Variants in HS6ST3 observed in about 807,000 individuals in gnomAD.
HS6ST3 encodes heparan sulfate 6-O-sulfotransferase 3, also known as heparan-sulfate 6-O-sulfotransferase 3.
In HS6ST3, 12 loss-of-function variants were observed where a neutral mutation model predicts 36.7. The ratio of observed to expected loss-of-function variants is 0.33; its 90% confidence interval spans 0.21 to 0.53. The LOEUF is 0.53. Among genes scored for constraint, HS6ST3 ranks in the 20% least tolerant of loss-of-function variants. The pLI, the probability that HS6ST3 is intolerant of heterozygous loss-of-function variation, is 0.95. For synonymous variants in HS6ST3, 240 were observed against 257.5 expected, an observed-to-expected ratio of 0.93 and a Z score of 0.65; for missense variants, 584 against 640.9, an observed-to-expected ratio of 0.91 and a Z score of 0.96.
intron 1 of HS6ST3, among the ~76,000 whole-genome samples, chr13:96,633,953 G>A (rs1031661419): frequency 6.6e-6 from 1 of 152,084 alleles, no homozygotes; most frequent in Admixed American, 6.6e-5. Flanking sequence ...GGGCCTTTGG[G>A]AAGTGATTAG....
intron 1 of HS6ST3, among the ~76,000 whole-genome samples, chr13:96,182,009 A>G (rs1229624103): frequency 6.6e-6 from 1 of 152,182 alleles, no homozygotes; most frequent in Non-Finnish European, 1.5e-5. Context: ...CTGCTCCGTA[A>G]GTTAGAAGAA....
intron 1 of HS6ST3, among the ~76,000 whole-genome samples, chr13:96,610,634 G>A (rs898579584): frequency 6.6e-6 from 1 of 152,142 alleles, no homozygotes; most frequent in Non-Finnish European, 1.5e-5. Flanking sequence ...AGACGGTAAA[G>A]TATGTTATCA....
intron 1 of HS6ST3, among the ~76,000 whole-genome samples, chr13:96,796,139 C>A (rs1046001511): frequency 6.6e-6 from 1 of 152,048 alleles, no homozygotes; most frequent in Non-Finnish European, 1.5e-5. Flanking sequence ...ATTTATGCAG[C>A]ATTTATGCAG....
intron 1 of HS6ST3, among the ~76,000 whole-genome samples, chr13:96,206,305 A>T (rs1023650285): frequency 2.6e-5 from 4 of 152,194 alleles, no homozygotes; most frequent in Non-Finnish European, 5.9e-5. Flanking sequence ...GCTCAAAGAA[A>T]TCAGAGAGGG....
At chr13:96,189,441 G>T (rs888770585) in intron 1 of HS6ST3, among the ~76,000 whole-genome samples, 2 of 151,860 alleles carry the variant, frequency 1.3e-5, no homozygotes, top group African/African-American at 4.8e-5. Context: ...CATTCTCTTG[G>T]CTGGGACTTC....
intron 1 of HS6ST3, among the ~76,000 whole-genome samples, chr13:96,446,122 G>A (rs1424370161): frequency 2.8e-5 from 4 of 141,342 alleles, no homozygotes; most frequent in Admixed American, 1.4e-4. Flanking sequence ...GCAGTGAGCC[G>A]AGATCACACC....
chr13:96,119,315 A>G (rs1355198182), intron 1 of HS6ST3, among the ~76,000 whole-genome samples: 1 of 152,134 alleles, frequency 6.6e-6, no homozygotes, highest in Admixed American at 6.5e-5. Context: ...ATAACAGGAG[A>G]TGATTTTTTT....
intron 1 of HS6ST3, among the ~76,000 whole-genome samples, chr13:96,768,094 TA>T (rs993263853): frequency 8.5e-5 from 13 of 152,280 alleles, no homozygotes; most frequent in African/African-American, 3.1e-4. Flanking sequence ...GCAGACACAG[TA>T]GAGTCTTAAG....
chr13:96,800,444 A>G (rs560867076), intron 1 of HS6ST3, among the ~76,000 whole-genome samples: 1 of 152,238 alleles, frequency 6.6e-6, no homozygotes, highest in African/African-American at 2.4e-5. Flanking sequence ...GCAGTGCAGT[A>G]TCTGAACAAT....
intron 1 of HS6ST3, among the ~76,000 whole-genome samples, chr13:96,786,369 T>C (rs1566453524): frequency 6.6e-6 from 1 of 152,182 alleles, no homozygotes; most frequent in East Asian, 1.9e-4. Context: ...TTATCTACTC[T>C]AGTGCTATCT....
chr13:96,257,779 T>A (rs2054644312), intron 1 of HS6ST3, among the ~76,000 whole-genome samples: 2 of 152,006 alleles, frequency 1.3e-5, no homozygotes, highest in Non-Finnish European at 2.9e-5. Flanking sequence ...AAGAATAAAA[T>A]AAAAGTGAGT....
chr13:96,175,694 CAAAAAAA>C (rs4001570), intron 1 of HS6ST3, among the ~76,000 whole-genome samples: 1 of 140,824 alleles, frequency 7.1e-6, no homozygotes, highest in Admixed American at 7.1e-5. Flanking sequence ...GTGAATTTGG[CAAAAAAA>C]AAAAAAAAAA....
intron 1 of HS6ST3, among the ~76,000 whole-genome samples, chr13:96,799,984 A>ATATATATATGTGTGTG (rs1878018254): frequency 4.3e-5 from 4 of 92,430 alleles, no homozygotes; most frequent in African/African-American, 1.9e-4. Flanking sequence ...ATATATATGT[A>ATATATATATGTGTGTG]TATATATATA....
chr13:96,585,904 A>G (rs1441925306), intron 1 of HS6ST3, among the ~76,000 whole-genome samples: 1 of 152,214 alleles, frequency 6.6e-6, no homozygotes, highest in African/African-American at 2.4e-5. Context: ...TAATGCTGCA[A>G]TAAATATGTA....
chr13:96,276,084 T>C (rs1185003463), intron 1 of HS6ST3, among the ~76,000 whole-genome samples: 1 of 152,154 alleles, frequency 6.6e-6, no homozygotes, highest in East Asian at 1.9e-4. Context: ...ATTCCCAGCA[T>C]GCCTTGCCAT....
At chr13:96,800,892 T>C (rs895065975) in intron 1 of HS6ST3, among the ~76,000 whole-genome samples, 4 of 152,082 alleles carry the variant, frequency 2.6e-5, no homozygotes, top group Non-Finnish European at 5.9e-5. Context: ...GAAAAACACC[T>C]TTGGTGGCCC....
At chr13:96,279,730 T>G (rs985551959) in intron 1 of HS6ST3, among the ~76,000 whole-genome samples, 5 of 152,176 alleles carry the variant, frequency 3.3e-5, no homozygotes, top group African/African-American at 1.2e-4. Flanking sequence ...CTTTTGTCTT[T>G]TGCACATCAC....
intron 1 of HS6ST3, among the ~76,000 whole-genome samples, chr13:96,783,615 G>C (rs1479281235): frequency 6.6e-6 from 1 of 150,946 alleles, no homozygotes; most frequent in African/African-American, 2.4e-5. Context: ...ATGTCTTCCA[G>C]GGGCTTGGTC....
intron 1 of HS6ST3, among the ~76,000 whole-genome samples, chr13:96,271,253 T>C (rs1340503679): frequency 2.0e-5 from 3 of 151,888 alleles, no homozygotes; most frequent in Non-Finnish European, 4.4e-5. Flanking sequence ...ACCATACAGA[T>C]GCAAATATGT....
Sources: gnomAD v4.1 joint callset for allele counts (sites outside exome capture counted in the v4.1 genomes callset) on GRCh38, gnomAD v4.1.1 for gene constraint, MANE v1.5 for transcripts, NCBI Gene and HGNC (gene_info 2026-07-23, HGNC 2026-07-21) for gene names.